ULK4: variants seen among roughly 807,000 people sequenced by gnomAD.
The protein encoded by ULK4 is unc-51 like kinase 4, also known as inactive serine/threonine-protein kinase ULK4.
A neutral mutation model predicts 160.6 loss-of-function variants in ULK4; 133 were observed. The observed-to-expected ratio is 0.83, with a 90% CI of 0.72 to 0.96. ULK4 has a LOEUF of 0.96. Among genes scored for constraint, ULK4 ranks in the 40% least tolerant of loss-of-function variants. The pLI, the probability that ULK4 is intolerant of heterozygous loss-of-function variation, is 0.00. For missense variants in ULK4, 1,580 were observed against 1,499.5 expected (o/e 1.05, Z -0.89); for synonymous variants, 534 against 539.8 (o/e 0.99, Z 0.15).
chr3:41,424,105 G>A (rs1212213970), intron 34 of ULK4, among the ~76,000 whole-genome samples: 2 of 152,052 alleles, frequency 1.3e-5, no homozygotes, highest in Admixed American at 6.6e-5. Context: ...CCCTGCCAGT[G>A]CTGGAGATAC....
intron 20 of ULK4, among the ~76,000 whole-genome samples, chr3:41,797,855 C>G (rs1409312013): frequency 1.3e-5 from 2 of 148,978 alleles, no homozygotes; most frequent in African/African-American, 5.0e-5. Context: ...GAGCACAACT[C>G]TATCTCAAAA....
intron 17 of ULK4, among the ~76,000 whole-genome samples, chr3:41,860,512 T>C (rs1418741050): frequency 6.6e-6 from 1 of 152,216 alleles, no homozygotes; most frequent in African/African-American, 2.4e-5. Flanking sequence ...TGTCTTGAAA[T>C]CTATTGTATG....
intron 17 of ULK4, among the ~76,000 whole-genome samples, chr3:41,873,695 A>C (rs1697199174): frequency 6.6e-6 from 1 of 152,116 alleles, no homozygotes; most frequent in African/African-American, 2.4e-5. Flanking sequence ...CTGAGATTAC[A>C]GGCATGCACC....
chr3:41,744,727 A>T (rs1160800819), intron 22 of ULK4, among the ~76,000 whole-genome samples: 1 of 151,868 alleles, frequency 6.6e-6, no homozygotes, highest in Non-Finnish European at 1.5e-5. Flanking sequence ...TAATTGACAT[A>T]TAAAGAACAT....
intron 31 of ULK4, among the ~76,000 whole-genome samples, chr3:41,598,447 A>G (rs2031835983): frequency 6.6e-6 from 1 of 152,222 alleles, no homozygotes; most frequent in South Asian, 2.1e-4. Flanking sequence ...AGAGCATGCG[A>G]GTAATATATT....
chr3:41,496,090 T>G (rs1344344784), intron 32 of ULK4, among the ~76,000 whole-genome samples: 1 of 151,856 alleles, frequency 6.6e-6, no homozygotes, highest in Non-Finnish European at 1.5e-5. Flanking sequence ...TGTAAACATA[T>G]TAAATAAGAG....
intron 32 of ULK4, among the ~76,000 whole-genome samples, chr3:41,491,857 A>G (rs942547761): frequency 2.0e-5 from 3 of 151,600 alleles, no homozygotes; most frequent in African/African-American, 7.3e-5. Flanking sequence ...CATTAGGTAT[A>G]CCTTCTAATG....
chr3:41,681,709 G>A (rs1171011346), intron 28 of ULK4, 44 bp downstream of exon 28: 4 of 1,613,662 alleles, frequency 2.5e-6, no homozygotes, highest in Admixed American at 1.7e-5. Flanking sequence ...AATGAAAATA[G>A]AATGTGTAAC....
intron 35 of ULK4, among the ~76,000 whole-genome samples, chr3:41,256,077 C>T (rs1182696733): frequency 6.6e-6 from 1 of 152,030 alleles, no homozygotes; most frequent in Non-Finnish European, 1.5e-5. Context: ...TAAATGGATA[C>T]ACAATATTCA....
chr3:41,590,243 C>A (rs1362323852), intron 31 of ULK4, among the ~76,000 whole-genome samples: 1 of 151,612 alleles, frequency 6.6e-6, no homozygotes, highest in Non-Finnish European at 1.5e-5. Flanking sequence ...ACCTCATGAT[C>A]CGCCTGCCTT....
At chr3:41,648,740 C>G (rs1284296635) in intron 30 of ULK4, among the ~76,000 whole-genome samples, 1 of 152,116 alleles carries the variant, frequency 6.6e-6, no homozygotes, top group Non-Finnish European at 1.5e-5. Flanking sequence ...GTAGGAATCC[C>G]CAAGTGGGTA....
chr3:41,591,092 A>G (rs933901037), intron 31 of ULK4, among the ~76,000 whole-genome samples: 10 of 152,190 alleles, frequency 6.6e-5, no homozygotes, highest in African/African-American at 2.4e-4. Flanking sequence ...GAAAATCTTA[A>G]AAGGGGAAAA....
intron 32 of ULK4, among the ~76,000 whole-genome samples, chr3:41,475,270 C>T (rs111791362): frequency 6.6e-6 from 1 of 152,094 alleles, no homozygotes. Context: ...TTCTCATATA[C>T]ATAACATCTA....
At position 41,269,218 on chromosome 3, in the gene ULK4, CA is replaced by C. The variant is rs544588055; in HGVS notation, c.3679-19645del. The stretch of plus-strand genomic sequence containing the variant: ...TTTGTATTTAGGGTATAATCACTCA[CA>C]AGTATCCCTTGTAAATGGATAATTC... On this transcript the variant is annotated intron_variant, in intron 35 of 36. Coordinates refer to ENST00000301831, the MANE Select transcript of ULK4 (RefSeq NM_017886.4). Among the ~76,000 whole-genome samples, 136 of 152,264 alleles carry C rather than the reference CA, an allele frequency of 8.9e-4. 3 individuals are homozygous for C. The South Asian group carries it at 0.027, about 30-fold the overall frequency.
At chr3:41,388,079 G>A (rs1222452310) in intron 35 of ULK4, among the ~76,000 whole-genome samples, 1 of 152,294 alleles carries the variant, frequency 6.6e-6, no homozygotes, top group East Asian at 1.9e-4. Context: ...ACTGGTGTGA[G>A]ATGGTATCTC....
intron 30 of ULK4, among the ~76,000 whole-genome samples, chr3:41,636,953 T>G (rs993929171): frequency 6.6e-6 from 1 of 152,204 alleles, no homozygotes; most frequent in Non-Finnish European, 1.5e-5. Flanking sequence ...CTTTATTTAT[T>G]AATCTTAATT....
intron 32 of ULK4, among the ~76,000 whole-genome samples, chr3:41,468,418 G>A (rs1028220265): frequency 2.0e-5 from 3 of 152,148 alleles, no homozygotes; most frequent in East Asian, 3.9e-4. Flanking sequence ...TCACGACAAT[G>A]TAAAGTAATG....
chr3:41,363,167 C>T (rs552626690), intron 35 of ULK4, among the ~76,000 whole-genome samples: 1 of 152,326 alleles, frequency 6.6e-6, no homozygotes, highest in East Asian at 1.9e-4. Flanking sequence ...CCTAACAAGG[C>T]ATAAGGAGCT....
Position 41,721,333 on chromosome 3 carries a change from AATATATAT to A in ULK4, c.2322-3480_2322-3473del, listed in dbSNP as rs71075483. On this transcript the variant is annotated intron_variant, in intron 22 of 36. Transcript: ENST00000301831. ...TTACCTACTCAAAGCTTTTAATGTAAATATATATATATATATATATATATATATATTTT... is the reference window on the plus strand; with the variant it reads ...TTACCTACTCAAAGCTTTTAATGTAAATATATATATATATATATATATTTT... Among the ~76,000 whole-genome samples the A allele has an allele frequency of 4.8e-4, 13 of 26,952 alleles. No individual in the cohort carries two copies. The East Asian group carries it at 5.9e-3, about 12-fold the overall frequency. 17.7% of individuals were successfully genotyped at this position (26,952 alleles called of 152,430 possible).
Sources: allele counts gnomAD v4.1 joint callset (sites outside exome capture counted in the v4.1 genomes callset), GRCh38; gene constraint gnomAD v4.1.1; transcripts MANE v1.5; gene names NCBI Gene and HGNC (gene_info 2026-07-23, HGNC 2026-07-21).